Variants in XAB2 observed in about 807,000 individuals in gnomAD.
XAB2 encodes the protein XPA binding protein 2, also known as pre-mRNA-splicing factor SYF1.
A neutral mutation model predicts 113.4 loss-of-function variants in XAB2; 57 were observed. The observed-to-expected ratio is 0.50, with a 90% CI of 0.41 to 0.63. The LOEUF is 0.63. Ranked by LOEUF, XAB2 falls within the 20% of genes least tolerant of loss-of-function variation. The probability of loss-of-function intolerance (pLI) is 0.00; values close to 1 mark genes in which losing one functional copy is unlikely to be tolerated. For missense variants in XAB2, 1,037 were observed against 1,233.3 expected (o/e 0.84, Z 2.38); for synonymous variants, 497 against 498.8 (o/e 1.00, Z 0.05).
At position 7,623,160 on chromosome 19, in the gene XAB2, G is replaced by C. The variant is rs763454262; in HGVS notation, c.1239+10C>G. On this transcript the variant is annotated intron_variant, in intron 9 of 18. Transcript: ENST00000358368. The surrounding 1 kb of genome is among the most constrained non-coding windows in gnomAD (Gnocchi z 4.6). ...CATGAACACACAGGCACACGCAACA[G>C]GGTGCTCACATCGTCCAGCTGTCCG... 1.2e-6 allele frequency: 2 copies of C among 1,613,138 alleles called. No homozygotes were observed. The highest frequency in any genetic ancestry group is 2.2e-5 in the East Asian group (1 of 44,872).
intron 17 of XAB2, 33 bp downstream of exon 17, chr19:7,619,913 C>T: frequency 1.2e-6 from 2 of 1,609,762 alleles, no homozygotes; most frequent in South Asian, 2.2e-5. Context: ...GGGACCTGTC[C>T]CAGTCCTGTC....
chr19:7,628,810 T>C lies in XAB2; in HGVS notation c.52-512A>G, dbSNP rs142473064. On this transcript the variant is annotated intron_variant, in intron 1 of 18. Coordinates refer to ENST00000358368, the MANE Select transcript of XAB2 (RefSeq NM_020196.3). The surrounding 1 kb of genome is among the most constrained non-coding windows in gnomAD (Gnocchi z 4.6). ...CTCTCAGGTCCAGATTCCAAGCCAC[T>C]AGCCCCGCCCCCAGGATCCCACTAG... Among the ~76,000 whole-genome samples the C allele has an allele frequency of 1.3e-5, 2 of 152,086 alleles. No homozygotes were observed. The highest frequency in any genetic ancestry group is 2.9e-5 in the Non-Finnish European group (2 of 68,016).
intron 12 of XAB2, 190 bp from the exon 13 acceptor site, chr19:7,621,487 C>A: frequency 1.6e-6 from 1 of 630,252 alleles, no homozygotes; most frequent in East Asian, 2.8e-5. Context: ...CTGTGAGAAC[C>A]CCAAGAACAG....
rs2031121165 is a variant in XAB2, at chr19:7,625,533, C to T, written c.822+347G>A. ...TCGCTCTGCCACCCAGGCTGGACTT[C>T]CGTGGCGCGATCGCAGCTCACGGCA... On this transcript the variant is annotated intron_variant, in intron 6 of 18. Transcript: ENST00000358368. This position sits in a 1 kb window ranked among gnomAD's most constrained non-coding sequence, Gnocchi z 5.2. Among the ~76,000 whole-genome samples the T allele has an allele frequency of 6.9e-6, 1 of 145,022 alleles. No homozygotes were observed. The highest frequency in any genetic ancestry group is 1.5e-5 in the Non-Finnish European group (1 of 67,104).
chr19:7,620,869 C>T lies in XAB2; in HGVS notation c.1948G>A (p.Gly650Ser), dbSNP rs770602341. ...AEIYGVTHTR[G>S]IYQKAIEVLS... Reference sequence around the variant, plus strand: ...ACCTCAATGGCCTTCTGGTAGATGCCGCGGGTGTGGGTGACCCCATAGATC... The same window carrying T: ...ACCTCAATGGCCTTCTGGTAGATGCTGCGGGTGTGGGTGACCCCATAGATC... Residue 650 changes from glycine to serine, a missense_variant, in exon 14 of 19, where the codon GGC becomes AGC. Physicochemically the swap from Gly to Ser is moderately conservative, Grantham distance 56. Transcript: ENST00000358368. 1.5e-5 allele frequency: 24 copies of T among 1,591,088 alleles called. No homozygotes were observed. The highest frequency in any genetic ancestry group is 1.7e-4 in the Middle Eastern group (1 of 5,956).
chr19:7,624,698 G>GT lies in XAB2; in HGVS notation c.823-254dup, dbSNP rs1443529257. Among the ~76,000 whole-genome samples, 1 of 152,148 alleles carries GT rather than the reference G, an allele frequency of 6.6e-6. No homozygotes were observed. Among genetic ancestry groups the GT allele is most frequent in the African/African-American group, 2.4e-5 (1 of 41,424 alleles). ...ACTGGGTGACTGCCCTTTGCACACA[G>GT]TGACCTCAGGGCTCGACTGAGACAC... On this transcript the variant is annotated intron_variant, in intron 6 of 18. Transcript: ENST00000358368. This position sits in a 1 kb window ranked among gnomAD's most constrained non-coding sequence, Gnocchi z 4.2.
At position 7,627,872 on chromosome 19, in the gene XAB2, G is replaced by A. The variant is rs552612061; in HGVS notation, c.201-21C>T. 4 of 1,606,236 alleles carry A rather than the reference G, an allele frequency of 2.5e-6. No individual in the cohort carries two copies. Among genetic ancestry groups the A allele is most frequent in the African/African-American group, 1.3e-5 (1 of 74,912 alleles). ...TGTAGCTGGGGAATAGGAGGGGACA[G>A]ATGCTGATCGGTCAGCTTTATGGAC... On this transcript the variant is annotated intron_variant, in intron 2 of 18. Coordinates refer to ENST00000358368, the MANE Select transcript of XAB2 (RefSeq NM_020196.3). This position sits in a 1 kb window ranked among gnomAD's most constrained non-coding sequence, Gnocchi z 4.5.
chr19:7,624,656 C>T lies in XAB2; in HGVS notation c.823-211G>A, dbSNP rs1360558292. ...ACTGCCAGGGTGGTCTTGGGAGCTT[C>T]AGGACCTCCTCAGTAAACTGGGTGA... On this transcript the variant is annotated intron_variant, in intron 6 of 18. Coordinates refer to ENST00000358368, the MANE Select transcript of XAB2 (RefSeq NM_020196.3). The surrounding 1 kb of genome is among the most constrained non-coding windows in gnomAD (Gnocchi z 4.2). Among the ~76,000 whole-genome samples the T allele has an allele frequency of 6.6e-6, 1 of 152,172 alleles. No individual in the cohort carries two copies. The highest frequency in any genetic ancestry group is 1.5e-5 in the Non-Finnish European group (1 of 68,014).
In XAB2 at chr19:7,620,275, C is replaced by T. The variant is rs780791857; in HGVS notation, c.2266G>A (p.Val756Met). ...AACTCAGCCAGCTGGGACGGCTCAC[C>T]GGTGCCCGTGGCACTGCCCGAGACC... ...LKVSGSATGT[V>M]SDLAPGQSGM... The change falls in exon 16 of 19, where the codon GTG (valine) becomes ATG (methionine). Residue 756 changes from valine to methionine, a missense_variant and splice_region_variant. By Grantham distance (21) the Val-to-Met change is conservative (BLOSUM62 1). Coordinates refer to ENST00000358368, the MANE Select transcript of XAB2 (RefSeq NM_020196.3). 3 of 1,612,970 alleles carry T rather than the reference C, an allele frequency of 1.9e-6. No homozygotes were observed. The highest frequency in any genetic ancestry group is 1.3e-5 in the African/African-American group (1 of 74,924).
intron 12 of XAB2, 155 bp downstream of exon 12, chr19:7,622,156 TGCCTCGATCCTGGACTTCCA>T (rs771260395): frequency 7.9e-6 from 5 of 630,620 alleles, no homozygotes; most frequent in African/African-American, 1.8e-5. Context: ...GCCCTGCCCA[TGCCTCGATCCTGGACTTCCA>T]GCCTCCAGGA....
In XAB2 at chr19:7,619,576, G is replaced by A. The variant is rs1167900083; in HGVS notation, c.*10C>T. ...GAGGGGGTGGGGAGGGGGGATGGGG[G>A]AGGGACGGGTCAGTCTTCCTTCAGG... On this transcript the variant is annotated 3_prime_UTR_variant, in exon 19 of 19. Transcript: ENST00000358368. The A allele has an allele frequency of 2.9e-6, 4 of 1,364,028 alleles. No individual in the cohort carries two copies. The highest frequency in any genetic ancestry group is 2.5e-5 in the East Asian group (1 of 39,320). The allele number at this position is 1,364,028 out of a possible 1,614,324, so 84.5% of individuals were successfully genotyped here.
At position 7,623,763 on chromosome 19, in the gene XAB2, G is replaced by A. The variant is rs1568454345; in HGVS notation, c.1087C>T (p.Arg363Cys). ...NPHHVHEWHK[R>C]VALHQGRPRE... ...GGGCGGCCCTGGTGCAGGGCGACAC[G>A]CTTGTGCCACTCGTGCACGTGGTGT... Residue 363 changes from arginine to cysteine, a missense_variant, in exon 8 of 19, where the codon CGT (arginine) becomes TGT (cysteine). By Grantham distance (180) the Arg-to-Cys change is radical. Transcript: ENST00000358368. The surrounding 1 kb of genome is among the most constrained non-coding windows in gnomAD (Gnocchi z 4.6). 1 of 1,611,054 alleles carries A rather than the reference G, an allele frequency of 6.2e-7. No individual in the cohort carries two copies. Among genetic ancestry groups the A allele is most frequent in the South Asian group, 1.1e-5 (1 of 90,964 alleles).
In XAB2 at chr19:7,626,169, A is replaced by G. The variant is rs775280980; in HGVS notation, c.624T>C (p.Arg208=). The G allele has an allele frequency of 1.9e-6, 3 of 1,613,554 alleles. No individual in the cohort carries two copies. In the Admixed American group the frequency reaches 5.0e-5, roughly 27 times the overall value. The change falls in exon 5 of 19, where the codon CGT becomes CGC. Residue 208 remains arginine (R), a synonymous_variant. Coordinates refer to ENST00000358368, the MANE Select transcript of XAB2 (RefSeq NM_020196.3). ...QRLATVVNDE[R]FVSKAGKSNY... is the part of the protein sequence containing the mutation. ...TGGACTTGCCGGCCTTAGACACGAAACGCTCGTCGTTCACCACGGTGGCCA... is the reference window on the plus strand; with the variant it reads ...TGGACTTGCCGGCCTTAGACACGAAGCGCTCGTCGTTCACCACGGTGGCCA...
At position 7,623,788 on chromosome 19, in the gene XAB2, T is replaced by C; in HGVS notation, c.1062A>G (p.Pro354=). 1 of 1,612,140 alleles carries C rather than the reference T, an allele frequency of 6.2e-7. No individual in the cohort carries two copies. The highest frequency in any genetic ancestry group is 8.5e-7 in the Non-Finnish European group (1 of 1,179,558). The change falls in exon 8 of 19, where the codon CCA becomes CCG. Residue 354 remains proline (P), a synonymous_variant. Coordinates refer to ENST00000358368, the MANE Select transcript of XAB2 (RefSeq NM_020196.3). This position sits in a 1 kb window ranked among gnomAD's most constrained non-coding sequence, Gnocchi z 4.6. The stretch of plus-strand genomic sequence containing the variant: ...GCTTGTGCCACTCGTGCACGTGGTG[T>C]GGGTTTTGGCGCAGCAAGACGCTGT... ...LLNSVLLRQN[P]HHVHEWHKRV...
At chr19:7,622,468 G>C in intron 11 of XAB2, 24 bp from the exon 12 acceptor site, 1 of 1,614,112 alleles carries the variant, frequency 6.2e-7, no homozygotes, top group East Asian at 2.2e-5. Context: ...GATGGGAAAG[G>C]TTGGAGCTGG....
Position 7,628,006 on chromosome 19 carries a change from G to T in XAB2, c.200+144C>A. ...GGGACAGACTGGGACATCAGAGAAGGTGTGCTGACCCATCAAGGGATGTAC... is the reference window on the plus strand; with the variant it reads ...GGGACAGACTGGGACATCAGAGAAGTTGTGCTGACCCATCAAGGGATGTAC... On this transcript the variant is annotated intron_variant, in intron 2 of 18. Coordinates refer to ENST00000358368, the MANE Select transcript of XAB2 (RefSeq NM_020196.3). This position sits in a 1 kb window ranked among gnomAD's most constrained non-coding sequence, Gnocchi z 4.6. The T allele has an allele frequency of 6.9e-7, 1 of 1,452,658 alleles. No individual in the cohort carries two copies. The allele number at this position is 1,452,658 out of a possible 1,614,324, so 90.0% of individuals were successfully genotyped here.
rs2030983106 is a variant in XAB2 at position 7,619,652 on chromosome 19, G to A, written c.2507-5C>T. ...TCTGCTGCTCCAGCCGAACCTCTGT[G>A]GGGAAGGCGGGAGCCAGTCACCCTC... On this transcript the variant is annotated splice_region_variant and splice_polypyrimidine_tract_variant and intron_variant, in intron 18 of 18. Coordinates refer to ENST00000358368, the MANE Select transcript of XAB2 (RefSeq NM_020196.3). 1 of 1,603,242 alleles carries A rather than the reference G, an allele frequency of 6.2e-7. No individual in the cohort carries two copies. Among genetic ancestry groups the A allele is most frequent in the Non-Finnish European group, 8.5e-7 (1 of 1,173,866 alleles).
chr19:7,620,285 G>A lies in XAB2; in HGVS notation c.2256C>T (p.Ala752=), dbSNP rs1436613066. The A allele has an allele frequency of 6.2e-7, 1 of 1,613,358 alleles. No homozygotes were observed. Among genetic ancestry groups the A allele is most frequent in the Admixed American group, 1.7e-5 (1 of 60,028 alleles). The change falls in exon 16 of 19, where the codon GCC becomes GCT. Residue 752 remains alanine (A), a synonymous_variant. Coordinates refer to ENST00000358368, the MANE Select transcript of XAB2 (RefSeq NM_020196.3). The stretch of plus-strand genomic sequence containing the variant: ...GCTGGGACGGCTCACCGGTGCCCGT[G>A]GCACTGCCCGAGACCTTGAGCATCT... The part of the protein sequence containing the change: ...ASQMLKVSGS[A]TGTVSDLAPG...
At chr19:7,626,067 G>C in intron 5 of XAB2, 23 bp from the exon 6 acceptor site, 1 of 1,608,452 alleles carries the variant, frequency 6.2e-7, no homozygotes, top group South Asian at 1.1e-5. Context: ...GGGCAGTGGG[G>C]GAGAGTCTCA....
Sources: allele counts gnomAD v4.1 joint callset (sites outside exome capture counted in the v4.1 genomes callset), GRCh38; gene constraint gnomAD v4.1.1; non-coding constraint Gnocchi (gnomAD v3.1); transcripts MANE v1.5; gene names NCBI Gene and HGNC (gene_info 2026-07-23, HGNC 2026-07-21).